The following LOXL2 variants were observed in gnomAD, a reference collection of about 807,000 sequenced individuals.
LOXL2 encodes the protein lysyl oxidase like 2.
A neutral mutation model predicts 93.0 loss-of-function variants in LOXL2; 70 were observed. The ratio of observed to expected loss-of-function variants is 0.75; its 90% CI spans 0.62 to 0.92. The LOEUF (loss-of-function observed/expected upper bound fraction) is 0.92, where lower values mean the gene tolerates loss of function less well. Among genes scored for constraint, LOXL2 ranks in the 40% least tolerant of loss-of-function variants. The pLI is 0.00. For missense variants in LOXL2, 973 were observed against 1,054.9 expected, an observed-to-expected ratio of 0.92 and a Z score of 1.08; for synonymous variants, 438 against 413.2, an observed-to-expected ratio of 1.06 and a Z score of -0.73.
At chr8:23,387,616 C>T (rs1585382629) in intron 1 of LOXL2, among the ~76,000 whole-genome samples, 1 of 152,198 alleles carries the variant, frequency 6.6e-6, no homozygotes, top group East Asian at 1.9e-4. Flanking sequence ...TTCTAAGTCT[C>T]AGGATTTCAT....
At chr8:23,362,281 CAG>C (rs1804307615) in intron 2 of LOXL2, among the ~76,000 whole-genome samples, 1 of 152,164 alleles carries the variant, frequency 6.6e-6, no homozygotes, top group Non-Finnish European at 1.5e-5. Flanking sequence ...TTCATTGAAA[CAG>C]AAAGTAGAGT....
chr8:23,300,250 G>C (rs1042858173), intron 12 of LOXL2, among the ~76,000 whole-genome samples: 1 of 152,246 alleles, frequency 6.6e-6, no homozygotes, highest in Non-Finnish European at 1.5e-5. Context: ...GGAAATGTGT[G>C]TCCCCCACTG....
chr8:23,337,368 C>CT (rs1442118144), intron 4 of LOXL2: 1 of 152,240 alleles, frequency 6.6e-6, no homozygotes, highest in African/African-American at 2.4e-5. Flanking sequence ...CTCAAGGAGG[C>CT]TGGAGCTCCT....
chr8:23,300,897 C>G (rs180672072), intron 12 of LOXL2, among the ~76,000 whole-genome samples: 1 of 152,334 alleles, frequency 6.6e-6, no homozygotes. Flanking sequence ...GTGCACATGG[C>G]CACGGCTATT....
intron 5 of LOXL2, 111 bp downstream of exon 5, chr8:23,333,290 T>C: frequency 1.0e-6 from 1 of 978,740 alleles, no homozygotes; most frequent in Non-Finnish European, 1.6e-6. Context: ...ACAATGGTGA[T>C]CTCCGCTGAG....
chr8:23,321,406 T>C (rs1270398352), intron 7 of LOXL2, among the ~76,000 whole-genome samples: 7 of 152,224 alleles, frequency 4.6e-5, no homozygotes, highest in Non-Finnish European at 1.0e-4. Context: ...GAGCGCACAG[T>C]GTAGCTGGCA....
At chr8:23,365,229 G>C (rs188533917) in intron 2 of LOXL2, 1 of 152,322 alleles carries the variant, frequency 6.6e-6, no homozygotes, top group South Asian at 2.1e-4. Flanking sequence ...CGGTCTGACC[G>C]GCACGTTAAG....
chr8:23,319,381 G>C (rs1273404237), intron 8 of LOXL2, among the ~76,000 whole-genome samples: 1 of 152,306 alleles, frequency 6.6e-6, no homozygotes, highest in African/African-American at 2.4e-5. Context: ...ATGTGACAAG[G>C]CTTGGAGATT....
At chr8:23,393,913 G>T (rs931046189) in intron 1 of LOXL2, among the ~76,000 whole-genome samples, 3 of 152,078 alleles carry the variant, frequency 2.0e-5, no homozygotes, top group African/African-American at 7.2e-5. Flanking sequence ...ATACACTTCT[G>T]GATCCCCTGT....
intron 12 of LOXL2, among the ~76,000 whole-genome samples, chr8:23,301,734 G>A (rs964760495): frequency 5.3e-5 from 8 of 152,178 alleles, no homozygotes; most frequent in East Asian, 1.9e-4. Context: ...TAAACTGGCC[G>A]GAGGAGCAAA....
At chr8:23,400,017 G>C (rs781698251) in intron 1 of LOXL2, among the ~76,000 whole-genome samples, 26 of 152,356 alleles carry the variant, frequency 1.7e-4, no homozygotes, top group African/African-American at 6.0e-4. Context: ...AGCAACAAGC[G>C]TAACAGCAGA....
intron 1 of LOXL2, among the ~76,000 whole-genome samples, chr8:23,382,236 G>A (rs919768282): frequency 5.9e-5 from 9 of 152,118 alleles, no homozygotes; most frequent in Non-Finnish European, 8.8e-5. Context: ...TGCAATCAGC[G>A]GCCAGGCACA....
chr8:23,332,209 A>C (rs1292057472), intron 5 of LOXL2, among the ~76,000 whole-genome samples: 10 of 132,286 alleles, frequency 7.6e-5, no homozygotes, highest in East Asian at 2.8e-4. Context: ...ACACACCCAC[A>C]CCCACCCCAC....
At chr8:23,319,637 C>T (rs753771051) in intron 8 of LOXL2, among the ~76,000 whole-genome samples, 3 of 152,148 alleles carry the variant, frequency 2.0e-5, no homozygotes, top group Non-Finnish European at 2.9e-5. Context: ...CCATGAAAAG[C>T]AGAGCCCAGC....
Position 23,362,029 on chromosome 8 carries a change from A to C in LOXL2, c.356-1764T>G, listed in dbSNP as rs116411284. On this transcript the variant is annotated intron_variant, in intron 2 of 13. Coordinates refer to ENST00000389131, the MANE Select transcript of LOXL2 (RefSeq NM_002318.3). ...ACCATATGATCCAGCAAAAGAATTG[A>C]AAACAGTGTCTCTAAGAGATATCTA... Among the ~76,000 whole-genome samples the C allele has an allele frequency of 6.8e-3, 1,032 of 151,938 alleles. 19 individuals carry two copies. Among genetic ancestry groups the C allele is most frequent in the African/African-American group, 0.023 (960 of 41,436 alleles).
At chr8:23,382,172 C>A (rs1020053979) in intron 1 of LOXL2, among the ~76,000 whole-genome samples, 4 of 152,160 alleles carry the variant, frequency 2.6e-5, no homozygotes, top group Admixed American at 6.5e-5. Flanking sequence ...AAACCATGTC[C>A]CCTTTTTCAG....
At chr8:23,376,531 T>A (rs1482161875) in intron 1 of LOXL2, among the ~76,000 whole-genome samples, 1 of 152,228 alleles carries the variant, frequency 6.6e-6, no homozygotes, top group Non-Finnish European at 1.5e-5. Context: ...CTCCTCCTTG[T>A]ACCTCTGGTA....
At chr8:23,321,215 C>A (rs1803491751) in intron 7 of LOXL2, among the ~76,000 whole-genome samples, 1 of 152,188 alleles carries the variant, frequency 6.6e-6, no homozygotes. Flanking sequence ...ATGTGGCTGC[C>A]TCGTTGCCTC....
At chr8:23,363,889 T>G (rs142380472) in intron 2 of LOXL2, 1 of 152,330 alleles carries the variant, frequency 6.6e-6, no homozygotes, top group East Asian at 1.9e-4. Flanking sequence ...TTTTTTTGTT[T>G]TTTGAGACAG....
Sources: gnomAD v4.1 joint callset for allele counts (sites outside exome capture counted in the v4.1 genomes callset) on GRCh38, gnomAD v4.1.1 for gene constraint, MANE v1.5 for transcripts, NCBI Gene and HGNC (gene_info 2026-07-23, HGNC 2026-07-21) for gene names.